Variants in APBA2 observed in about 807,000 individuals in gnomAD.
APBA2 encodes amyloid beta precursor protein binding family A member 2, also known as amyloid-beta A4 precursor protein-binding family A member 2.
A neutral mutation model predicts 75.0 loss-of-function variants in APBA2; 30 were observed. The ratio of observed to expected loss-of-function variants is 0.40; its 90% CI spans 0.30 to 0.54. The LOEUF (loss-of-function observed/expected upper bound fraction) is 0.54. Among genes scored for constraint, APBA2 ranks in the 20% least tolerant of loss-of-function variants. APBA2 has a pLI of 0.49. For missense variants in APBA2, 801 were observed against 1,016.1 expected (o/e 0.79, Z 2.88); for synonymous variants, 444 against 409.6 (o/e 1.08, Z -1.01).
chr15:28,927,265 T>G (rs2034318817), intron 2 of APBA2, among the ~76,000 whole-genome samples: 2 of 152,298 alleles, frequency 1.3e-5, no homozygotes, highest in Admixed American at 6.5e-5. Flanking sequence ...GTCATTTGCC[T>G]TAGTCATTTT....
chr15:29,116,675 T>C (rs983726980), intron 14 of APBA2, among the ~76,000 whole-genome samples: 48 of 149,014 alleles, frequency 3.2e-4, no homozygotes, highest in Non-Finnish European at 2.7e-4. Flanking sequence ...CCCATTGAGC[T>C]CCTCCTCAGT....
At chr15:28,960,267 C>G (rs960246390) in intron 2 of APBA2, among the ~76,000 whole-genome samples, 2 of 151,610 alleles carry the variant, frequency 1.3e-5, no homozygotes, top group African/African-American at 4.9e-5. Context: ...TCAAAACCAG[C>G]CTGAGCAACA....
At chr15:28,970,151 G>A (rs1475647882) in intron 2 of APBA2, 2 of 152,156 alleles carry the variant, frequency 1.3e-5, no homozygotes, top group African/African-American at 4.8e-5. Flanking sequence ...AACAACTGCA[G>A]GTGCGTGTGC....
intron 7 of APBA2, 130 bp downstream of exon 7, chr15:29,093,350 G>T: frequency 7.2e-7 from 1 of 1,383,992 alleles, no homozygotes; most frequent in East Asian, 2.5e-5. Context: ...GGGCAGGAGC[G>T]GCCCAGGTGC....
chr15:28,911,704 G>A (rs528968125), intron 1 of APBA2, among the ~76,000 whole-genome samples: 2 of 152,266 alleles, frequency 1.3e-5, no homozygotes, highest in Admixed American at 6.5e-5. Context: ...CCCCTACACC[G>A]TGGCCTTGTA....
chr15:28,902,869 A>T (rs1173055281), intron 1 of APBA2, among the ~76,000 whole-genome samples: 3 of 151,922 alleles, frequency 2.0e-5, no homozygotes, highest in Non-Finnish European at 1.5e-5. Flanking sequence ...GTTCCTCTTT[A>T]CTGTTCCCAT....
chr15:28,954,468 G>C (rs1279769429), intron 2 of APBA2, among the ~76,000 whole-genome samples: 1 of 152,114 alleles, frequency 6.6e-6, no homozygotes, highest in Non-Finnish European at 1.5e-5. Flanking sequence ...TGGTTCCAAC[G>C]TTCCCTTCTG....
intron 3 of APBA2, among the ~76,000 whole-genome samples, chr15:29,034,287 A>T (rs1162375666): frequency 6.6e-6 from 1 of 152,156 alleles, no homozygotes; most frequent in African/African-American, 2.4e-5. Flanking sequence ...TCAAAGCCCC[A>T]ACCCTCTAGT....
intron 1 of APBA2, among the ~76,000 whole-genome samples, chr15:28,886,658 C>T (rs963036693): frequency 1.3e-5 from 2 of 152,140 alleles, no homozygotes; most frequent in African/African-American, 2.4e-5. Context: ...TGCTTGGCAC[C>T]GGCATCAAGT....
At chr15:29,023,295 C>A (rs902716851) in intron 3 of APBA2, among the ~76,000 whole-genome samples, 3 of 151,982 alleles carry the variant, frequency 2.0e-5, no homozygotes, top group Admixed American at 2.0e-4. Flanking sequence ...ACTTTTATGG[C>A]GTCACTATAA....
At chr15:29,006,182 A>G (rs1223273475) in intron 3 of APBA2, among the ~76,000 whole-genome samples, 2 of 152,250 alleles carry the variant, frequency 1.3e-5, no homozygotes, top group Non-Finnish European at 2.9e-5. Flanking sequence ...TGCAATATGT[A>G]GAAGGCCTTA....
At chr15:29,078,348 C>T (rs997642280) in intron 6 of APBA2, among the ~76,000 whole-genome samples, 1 of 151,856 alleles carries the variant, frequency 6.6e-6, no homozygotes, top group Non-Finnish European at 1.5e-5. Flanking sequence ...CACGGTGGCT[C>T]ATGCCTGTAA....
chr15:28,901,686 G>C (rs576626747), intron 1 of APBA2, among the ~76,000 whole-genome samples: 4 of 152,240 alleles, frequency 2.6e-5, no homozygotes, highest in African/African-American at 9.6e-5. Flanking sequence ...CCACACCCCT[G>C]ACTGTTTTTG....
intron 2 of APBA2, among the ~76,000 whole-genome samples, chr15:28,927,350 G>T (rs67533250): frequency 7.7e-5 from 9 of 116,838 alleles, no homozygotes; most frequent in African/African-American, 1.0e-4. Context: ...TTTTTTTTTT[G>T]TTTTGTTTTG....
chr15:28,973,507 G>A (rs2037177307), intron 2 of APBA2, among the ~76,000 whole-genome samples: 1 of 152,164 alleles, frequency 6.6e-6, no homozygotes, highest in Non-Finnish European at 1.5e-5. Flanking sequence ...TCACATAGAG[G>A]ATGAAGGTGT....
At chr15:29,098,848 G>A (rs2043981317) in intron 9 of APBA2, among the ~76,000 whole-genome samples, 1 of 152,172 alleles carries the variant, frequency 6.6e-6, no homozygotes, top group African/African-American at 2.4e-5. Flanking sequence ...CTCCCGGGTA[G>A]CCTGACCTCT....
intron 3 of APBA2, among the ~76,000 whole-genome samples, chr15:29,043,421 A>G (rs1360869236): frequency 1.3e-5 from 2 of 152,186 alleles, no homozygotes; most frequent in African/African-American, 2.4e-5. Flanking sequence ...CCTGACAGGT[A>G]TGGCTGCCCA....
At chr15:29,042,505 G>A (rs1005398527) in intron 3 of APBA2, among the ~76,000 whole-genome samples, 1 of 152,028 alleles carries the variant, frequency 6.6e-6, no homozygotes, top group Non-Finnish European at 1.5e-5. Flanking sequence ...TGATCCGCCC[G>A]CCTCGGCCTC....
intron 1 of APBA2, among the ~76,000 whole-genome samples, chr15:28,900,176 C>T (rs1021213284): frequency 6.6e-6 from 1 of 152,200 alleles, no homozygotes; most frequent in East Asian, 1.9e-4. Flanking sequence ...CCTCCCAACC[C>T]TTCTTCCCAG....
Sources: allele counts gnomAD v4.1 joint callset (sites outside exome capture counted in the v4.1 genomes callset), GRCh38; gene constraint gnomAD v4.1.1; transcripts MANE v1.5; gene names NCBI Gene and HGNC (gene_info 2026-07-23, HGNC 2026-07-21).